Variants in TMEM117 observed in about 807,000 individuals in gnomAD.
The protein encoded by TMEM117 is transmembrane protein 117.
Under a neutral mutation model 52.4 loss-of-function variants are expected in TMEM117, and 27 were observed. That is an observed-to-expected ratio of 0.51 (90% CI 0.38 to 0.71). TMEM117 has a LOEUF of 0.71. Among genes scored for constraint, TMEM117 ranks in the 30% least tolerant of loss-of-function variants. The probability of loss-of-function intolerance (pLI) is 0.00; values close to 1 mark genes in which losing one functional copy is unlikely to be tolerated. For missense variants in TMEM117, 556 were observed against 630.5 expected (o/e 0.88, Z 1.26); for synonymous variants, 215 against 206.3 (o/e 1.04, Z -0.36).
intron 5 of TMEM117, among the ~76,000 whole-genome samples, chr12:44,228,359 GC>G (rs1161045394): frequency 6.6e-6 from 1 of 152,000 alleles, no homozygotes; most frequent in Admixed American, 6.6e-5. Context: ...TATGTGAGGG[GC>G]CTAATTATAA....
intron 2 of TMEM117, among the ~76,000 whole-genome samples, chr12:43,845,460 C>CAAAAAAAAA (rs10677136): frequency 2.6e-5 from 1 of 37,996 alleles, no homozygotes; most frequent in African/African-American, 1.0e-4. Context: ...GACTCCATCT[C>CAAAAAAAAA]AAAAAAAAAA....
At chr12:43,898,048 GCACA>G (rs113886918) in intron 2 of TMEM117, among the ~76,000 whole-genome samples, 2,103 of 146,848 alleles carry the variant, frequency 0.014, 51 homozygotes, top group African/African-American at 0.051. Context: ...ACACACGCAC[GCACA>G]CACACACACA....
At chr12:43,868,734 T>C (rs755175697) in intron 2 of TMEM117, among the ~76,000 whole-genome samples, 3 of 152,138 alleles carry the variant, frequency 2.0e-5, no homozygotes, top group African/African-American at 4.8e-5. Flanking sequence ...TAAATGCTTA[T>C]ATTAGAAAAG....
intron 6 of TMEM117, among the ~76,000 whole-genome samples, chr12:44,367,344 A>G (rs114869458): frequency 1.3e-5 from 2 of 152,106 alleles, no homozygotes; most frequent in Non-Finnish European, 2.9e-5. Context: ...GCCAAATCTG[A>G]TGGTTAATAT....
the TMEM117 span, among the ~76,000 whole-genome samples, chr12:43,830,338 G>T: frequency 6.6e-6 from 1 of 151,912 alleles, no homozygotes. Flanking sequence ...GCCAGGCGTG[G>T]TGGATCATGC....
At chr12:44,090,401 TATTTATTTATTTA>T (rs939629275) in intron 3 of TMEM117, among the ~76,000 whole-genome samples, 4 of 25,478 alleles carry the variant, frequency 1.6e-4, no homozygotes, top group East Asian at 1.3e-3. Flanking sequence ...TCTTACTTTT[TATTTATTTATTTA>T]TTTATTTATT....
intron 2 of TMEM117, among the ~76,000 whole-genome samples, chr12:43,900,531 A>G (rs1278496088): frequency 6.6e-6 from 1 of 152,034 alleles, no homozygotes; most frequent in Non-Finnish European, 1.5e-5. Context: ...CAGCCTGGCC[A>G]ATATGGTGAA....
chr12:44,101,293 G>A (rs1592516951), intron 3 of TMEM117, among the ~76,000 whole-genome samples: 2 of 151,896 alleles, frequency 1.3e-5, no homozygotes, highest in Admixed American at 6.6e-5. Context: ...TGGTGATGGT[G>A]CCTTCGAGTG....
chr12:43,964,618 T>C (rs1207647058), intron 3 of TMEM117, among the ~76,000 whole-genome samples: 1 of 152,224 alleles, frequency 6.6e-6, no homozygotes, highest in Non-Finnish European at 1.5e-5. Flanking sequence ...GTCATAGTGA[T>C]ACCAGTTGGC....
intron 6 of TMEM117, among the ~76,000 whole-genome samples, chr12:44,321,050 T>C (rs1951122983): frequency 6.6e-6 from 1 of 152,238 alleles, no homozygotes; most frequent in South Asian, 2.1e-4. Context: ...CGGATCAATG[T>C]ACTTGTGTGA....
At chr12:43,966,959 G>A (rs1945494918) in intron 3 of TMEM117, among the ~76,000 whole-genome samples, 1 of 152,162 alleles carries the variant, frequency 6.6e-6, no homozygotes, top group South Asian at 2.1e-4. Flanking sequence ...CCTAGAATGT[G>A]AGAAATGACT....
At chr12:43,919,566 G>T (rs999155790) in intron 2 of TMEM117, among the ~76,000 whole-genome samples, 2 of 152,040 alleles carry the variant, frequency 1.3e-5, no homozygotes, top group African/African-American at 4.8e-5. Flanking sequence ...TGGACATTTA[G>T]CTTGTTTATA....
intron 3 of TMEM117, among the ~76,000 whole-genome samples, chr12:44,069,658 T>G (rs984335988): frequency 2.0e-5 from 3 of 152,212 alleles, no homozygotes. Flanking sequence ...CTGTAATGTT[T>G]TAAAGCAGAG....
chr12:43,915,757 A>G (rs1004501814), intron 2 of TMEM117, among the ~76,000 whole-genome samples: 60 of 152,184 alleles, frequency 3.9e-4, no homozygotes, highest in African/African-American at 1.4e-3. Flanking sequence ...AGAAAAAGAA[A>G]GAAAGAAAGA....
chr12:44,064,812 C>G (rs1368717030), intron 3 of TMEM117, among the ~76,000 whole-genome samples: 1 of 151,950 alleles, frequency 6.6e-6, no homozygotes, highest in Non-Finnish European at 1.5e-5. Flanking sequence ...ATGAATAAGT[C>G]TAAAGCTATG....
At position 44,141,403 on chromosome 12, in the gene TMEM117, A is replaced by G. The variant is rs186101111; in HGVS notation, c.411-2122A>G. On this transcript the variant is annotated intron_variant, in intron 3 of 7. Coordinates refer to ENST00000266534, the MANE Select transcript of TMEM117 (RefSeq NM_032256.3). The stretch of plus-strand genomic sequence containing the variant: ...TCTCCTCCCACCCTTTTCCCTCTGA[A>G]AAGCCCCAGAGTGTGGTCGTGGTTT... Among the ~76,000 whole-genome samples the G allele has an allele frequency of 4.2e-4, 64 of 152,144 alleles. 1 individual carries two copies. The East Asian group carries it at 0.012, about 28-fold the overall frequency.
At chr12:44,008,742 G>C (rs1312073445) in intron 3 of TMEM117, 3 of 414,210 alleles carry the variant, frequency 7.2e-6, no homozygotes, top group Non-Finnish European at 1.4e-5. Context: ...TCACCTGTGT[G>C]GGTTCTCTGG....
At chr12:44,368,940 G>A (rs73090670) in intron 6 of TMEM117, among the ~76,000 whole-genome samples, 4,812 of 151,940 alleles carry the variant, frequency 0.032, 96 homozygotes, top group Middle Eastern at 0.12. Context: ...TTTGATAACT[G>A]ATGAAGATGA....
chr12:43,804,693 T>A, the TMEM117 span: 1 of 591,908 alleles, frequency 1.7e-6, no homozygotes, highest in Non-Finnish European at 3.0e-6. Flanking sequence ...ATCCTTATTA[T>A]CAGTATTATA....
Sources: gnomAD v4.1 joint callset for allele counts (sites outside exome capture counted in the v4.1 genomes callset) on GRCh38, gnomAD v4.1.1 for gene constraint, MANE v1.5 for transcripts, NCBI Gene and HGNC (gene_info 2026-07-23, HGNC 2026-07-21) for gene names.